PDGFRA: variants seen among roughly 807,000 people sequenced by gnomAD.
PDGFRA encodes platelet-derived growth factor receptor alpha.
In PDGFRA, 25 loss-of-function variants were observed where a neutral mutation model predicts 121.5. That is an observed-to-expected ratio of 0.21 (90% CI 0.15 to 0.29). PDGFRA has a LOEUF of 0.29. Among genes scored for constraint, PDGFRA ranks in the 10% least tolerant of loss-of-function variants. The probability of loss-of-function intolerance (pLI) is 1.00; values close to 1 mark genes in which losing one functional copy is unlikely to be tolerated. For missense variants in PDGFRA, 1,008 were observed against 1,345.1 expected, an observed-to-expected ratio of 0.75 and a Z score of 3.92; for synonymous variants, 463 against 494.8, an observed-to-expected ratio of 0.94 and a Z score of 0.85.
At position 54,287,632 on chromosome 4, in the gene PDGFRA, G is replaced by GTTAA. The variant is rs370693827; in HGVS notation, c.2674+92_2674+95dup. 485 of 766,710 alleles carry GTTAA rather than the reference G, an allele frequency of 6.3e-4. 2 individuals carry two copies. In the African/African-American group the frequency reaches 6.7e-3, roughly 11 times the overall value. 47.5% of individuals were successfully genotyped at this position (766,710 alleles called of 1,614,324 possible). On this transcript the variant is annotated intron_variant, in intron 19 of 22. Coordinates refer to ENST00000257290, the MANE Select transcript of PDGFRA (RefSeq NM_006206.6). Reference sequence around the variant, plus strand: ...TTTCAAGCCCCAGGATGTAGACAGTGTTAAGATAACCTGGTGTGAGGCCAG... The same window carrying GTTAA: ...TTTCAAGCCCCAGGATGTAGACAGTGTTAATTAAGATAACCTGGTGTGAGGCCAG...
At chr4:54,249,322 G>A (rs1315111553) in intron 1 of PDGFRA, among the ~76,000 whole-genome samples, 1 of 152,130 alleles carries the variant, frequency 6.6e-6, no homozygotes, top group Non-Finnish European at 1.5e-5. Context: ...CTGCTATAAA[G>A]ACACATGCAC....
intron 1 of PDGFRA, among the ~76,000 whole-genome samples, chr4:54,245,415 TC>T (rs1721584902): frequency 6.6e-6 from 1 of 151,800 alleles, no homozygotes; most frequent in Non-Finnish European, 1.5e-5. Context: ...TATTCAACAT[TC>T]TTAAAGAAAA....
Position 54,278,559 on chromosome 4 carries a change from G to T in PDGFRA, c.2156+44G>T, listed in dbSNP as rs1723888437. The T allele has an allele frequency of 1.9e-6, 3 of 1,589,986 alleles. No individual in the cohort carries two copies. In the African/African-American group the frequency reaches 4.0e-5, roughly 21 times the overall value. ...GTTGCTGTCTATCATTATCTTACAGGCATCACAAATGGAAAGACCCATGTC... is the reference window on the plus strand; with the variant it reads ...GTTGCTGTCTATCATTATCTTACAGTCATCACAAATGGAAAGACCCATGTC... On this transcript the variant is annotated intron_variant, in intron 15 of 22. Coordinates refer to ENST00000257290, the MANE Select transcript of PDGFRA (RefSeq NM_006206.6).
At position 54,274,993 on chromosome 4, in the gene PDGFRA, C is replaced by T. The variant is rs771977430; in HGVS notation, c.1786+20C>T. On this transcript the variant is annotated intron_variant, in intron 12 of 22. Transcript: ENST00000257290. ...TGCTTGGTAAGTTCCATGGGGTAAC[C>T]TCCCAAGACTCCCTTTTCCCTTGCA... 9 of 1,613,402 alleles carry T rather than the reference C, an allele frequency of 5.6e-6. No homozygotes were observed. In the Admixed American group the frequency reaches 1.3e-4, roughly 24 times the overall value.
chr4:54,285,706 A>ACC, intron 17 of PDGFRA, 135 bp from the exon 18 acceptor site: 6 of 955,652 alleles, frequency 6.3e-6, no homozygotes, highest in Non-Finnish European at 6.7e-6. Context: ...TGGAGTGAGA[A>ACC]CCTGGGAGAA....
chr4:54,277,328 T>G, intron 12 of PDGFRA, 60 bp from the exon 13 acceptor site: 1 of 1,128,070 alleles, frequency 8.9e-7, no homozygotes, highest in Non-Finnish European at 1.4e-6. Context: ...CTGGCTACGG[T>G]GCAGAAAGCT....
rs766600687 is a variant in PDGFRA, at chr4:54,261,095, G to T, written c.50G>T (p.Gly17Val). 7 of 1,613,848 alleles carry T rather than the reference G, an allele frequency of 4.3e-6. No individual in the cohort carries two copies. In the African/African-American group the frequency reaches 8.0e-5, roughly 18 times the overall value. ...ATTCAGAGCGTGCTTCCTTTTGCAG[G>T]GCTGAGCCTAATCCTCTGCCAGCTT... ...AFLVLGCLLT[G>V]LSLILCQLSL... The change falls in exon 3 of 23, where the codon GGG becomes GTG. Residue 17 changes from glycine (G) to valine (V), a missense_variant and splice_region_variant. This residue lies in a region of PDGFRA where 575 missense variants were observed against 701.8 expected (regional missense o/e 0.82). Transcript: ENST00000257290.
chr4:54,261,927 A>ATTT (rs1179916749), intron 3 of PDGFRA, among the ~76,000 whole-genome samples: 4 of 84,402 alleles, frequency 4.7e-5, no homozygotes, highest in African/African-American at 1.1e-4. Context: ...ATATATATAT[A>ATTT]TATATTTTTT....
chr4:54,281,678 G>T (rs144002896), intron 16 of PDGFRA: 1 of 1,361,750 alleles, frequency 7.3e-7, no homozygotes, highest in Non-Finnish European at 9.7e-7. Flanking sequence ...CTGGCCTTCC[G>T]TGACTATCTG....
rs145019788 is a variant in PDGFRA, at chr4:54,290,397, A to C, written c.2965A>C (p.Ile989Leu). The change falls in exon 22 of 23, where the codon ATT becomes CTT. Residue 989 changes from isoleucine to leucine, a missense_variant. Around this residue, in one of 5 missense-constraint regions of PDGFRA, gnomAD observed 204 missense variants for 243.0 expected, o/e 0.84. Transcript: ENST00000257290. ...RMRVDSDNAY[I>L]GVTYKNEEDK... ...GCGTGTGGACTCAGACAATGCATAC[A>C]TTGGTGTCACCTACAAAAACGAGGA... 9 of 1,613,774 alleles carry C rather than the reference A, an allele frequency of 5.6e-6. No homozygotes were observed. In the East Asian group the frequency reaches 1.6e-4, roughly 28 times the overall value.
intron 8 of PDGFRA, among the ~76,000 whole-genome samples, chr4:54,271,625 T>G (rs1289212492): frequency 6.7e-6 from 1 of 148,174 alleles, no homozygotes; most frequent in Non-Finnish European, 1.5e-5. Flanking sequence ...CTCTCCTTCC[T>G]TCCCTCTTCC....
At chr4:54,236,350 G>T (rs779052556) in intron 1 of PDGFRA, among the ~76,000 whole-genome samples, 1 of 152,168 alleles carries the variant, frequency 6.6e-6, no homozygotes, top group Non-Finnish European at 1.5e-5. Context: ...GATAAAAGTG[G>T]CAGGAACAGC....
Position 54,285,786 on chromosome 4 carries a change from T to C in PDGFRA, c.2440-55T>C, listed in dbSNP as rs570350414. ...GGATCAGCCAGTCTTGCAGGGGTGA[T>C]GCTATTCAGCTACAGATGGCTTGAT... On this transcript the variant is annotated intron_variant, in intron 17 of 22. Coordinates refer to ENST00000257290, the MANE Select transcript of PDGFRA (RefSeq NM_006206.6). 8.3e-5 allele frequency: 124 copies of C among 1,499,408 alleles called. 3 individuals carry two copies. In the East Asian group the frequency reaches 3.0e-3, roughly 36 times the overall value. The allele number at this position is 1,499,408 out of a possible 1,614,324, so 92.9% of individuals were successfully genotyped here. A position where few individuals can be genotyped will look rare whatever the true frequency, so the allele number is the denominator to read the frequency against.
intron 8 of PDGFRA, 121 bp downstream of exon 8, chr4:54,270,869 G>A (rs1723312206): frequency 1.4e-6 from 1 of 704,542 alleles, no homozygotes. Flanking sequence ...AGCAGTGTCT[G>A]CATATGTCAC....
intron 5 of PDGFRA, 125 bp from the exon 6 acceptor site, chr4:54,267,163 TC>T (rs1412999579): frequency 7.7e-6 from 7 of 903,740 alleles, no homozygotes; most frequent in Admixed American, 5.2e-5. Context: ...ATCCCTACCA[TC>T]CATTTGTTAT....
At chr4:54,277,193 A>C in intron 12 of PDGFRA, 195 bp from the exon 13 acceptor site, 2 of 636,950 alleles carry the variant, frequency 3.1e-6, no homozygotes, top group Non-Finnish European at 5.7e-6. Context: ...GTTATTCGAC[A>C]AAAGCAATTA....
At chr4:54,251,674 G>T (rs952135471) in intron 1 of PDGFRA, among the ~76,000 whole-genome samples, 3 of 152,148 alleles carry the variant, frequency 2.0e-5, no homozygotes, top group African/African-American at 7.2e-5. Flanking sequence ...TTCCTGACCT[G>T]TGGTAAGTGA....
chr4:54,255,907 A>G (rs893702065), intron 1 of PDGFRA, among the ~76,000 whole-genome samples: 2 of 152,134 alleles, frequency 1.3e-5, no homozygotes, highest in African/African-American at 4.8e-5. Context: ...GAACAAATTG[A>G]GTCCTATTAG....
chr4:54,266,888 G>A (rs937067957), intron 5 of PDGFRA, among the ~76,000 whole-genome samples: 5 of 152,102 alleles, frequency 3.3e-5, no homozygotes, highest in Non-Finnish European at 7.4e-5. Flanking sequence ...AGACTGAGGT[G>A]GGAGGATCAC....
Sources: allele counts gnomAD v4.1 joint callset (sites outside exome capture counted in the v4.1 genomes callset), GRCh38; gene constraint gnomAD v4.1.1; regional missense constraint gnomAD v4.1.1; transcripts MANE v1.5; gene names NCBI Gene and HGNC (gene_info 2026-07-23, HGNC 2026-07-21).